Variants in POC1B observed in about 807,000 individuals in gnomAD.
The protein encoded by POC1B is POC1 centriolar protein homolog B.
Under a neutral mutation model 60.6 loss-of-function variants are expected in POC1B, and 44 were observed. That is an observed-to-expected ratio of 0.73 (90% confidence interval 0.57 to 0.93). POC1B has a LOEUF of 0.93. Among genes scored for constraint, POC1B ranks in the 40% least tolerant of loss-of-function variants. The probability of loss-of-function intolerance (pLI) is 0.00; values close to 1 mark genes in which losing one functional copy is unlikely to be tolerated. For missense variants in POC1B, 555 were observed against 572.3 expected, an observed-to-expected ratio of 0.97 and a Z score of 0.31; for synonymous variants, 180 against 198.9, an observed-to-expected ratio of 0.90 and a Z score of 0.80.
chr12:89,453,382 AG>A (rs1882132290), intron 10 of POC1B, among the ~76,000 whole-genome samples: 1 of 152,188 alleles, frequency 6.6e-6, no homozygotes, highest in Admixed American at 6.5e-5. Flanking sequence ...GGCACCAGCT[AG>A]GGAGTCCAGA....
chr12:89,444,175 T>C (rs560942385), intron 10 of POC1B, among the ~76,000 whole-genome samples: 52 of 152,158 alleles, frequency 3.4e-4, no homozygotes, highest in Non-Finnish European at 6.3e-4. Flanking sequence ...CTACCAGAGG[T>C]ACAAAAAGGA....
intron 4 of POC1B, among the ~76,000 whole-genome samples, chr12:89,473,692 G>T (rs942410456): frequency 8.4e-6 from 1 of 119,434 alleles, no homozygotes; most frequent in Non-Finnish European, 1.8e-5. Flanking sequence ...AAAAAGTCAA[G>T]AAAATAACCT....
chr12:89,500,972 G>A (rs546585688), intron 2 of POC1B: 12 of 891,936 alleles, frequency 1.3e-5, no homozygotes, highest in South Asian at 2.9e-5. Context: ...CACCTCATTC[G>A]TGTCCTCCCG....
intron 10 of POC1B, among the ~76,000 whole-genome samples, chr12:89,455,655 C>A (rs1479881469): frequency 1.3e-5 from 2 of 152,124 alleles, no homozygotes; most frequent in Non-Finnish European, 2.9e-5. Context: ...AGACTGTAGA[C>A]CCTTGGATTT....
At chr12:89,510,780 T>C (rs1469711854) in intron 2 of POC1B, among the ~76,000 whole-genome samples, 3 of 140,574 alleles carry the variant, frequency 2.1e-5, no homozygotes, top group Non-Finnish European at 3.2e-5. Context: ...TTTTTTGATA[T>C]GGAGTCTCAT....
At chr12:89,517,151 T>G (rs1300353814) in intron 2 of POC1B, among the ~76,000 whole-genome samples, 1 of 152,232 alleles carries the variant, frequency 6.6e-6, no homozygotes, top group African/African-American at 2.4e-5. Flanking sequence ...CTACCCATTC[T>G]GGCATTCTTA....
chr12:89,409,188 T>G, the POC1B span, among the ~76,000 whole-genome samples: 1 of 152,344 alleles, frequency 6.6e-6, no homozygotes, highest in South Asian at 2.1e-4. Flanking sequence ...AGTCATGAAG[T>G]CTTTGCCCAT....
downstream of POC1B, among the ~76,000 whole-genome samples, chr12:89,415,463 G>A (rs1353118233): frequency 1.3e-5 from 2 of 152,108 alleles, no homozygotes; most frequent in Non-Finnish European, 2.9e-5. Flanking sequence ...CCAACATGGT[G>A]AAACCCCGTC....
intron 10 of POC1B, among the ~76,000 whole-genome samples, chr12:89,440,080 T>A (rs926098562): frequency 6.6e-6 from 1 of 152,202 alleles, no homozygotes; most frequent in Non-Finnish European, 1.5e-5. Flanking sequence ...CTACCTAGTG[T>A]CCGACACGTT....
chr12:89,469,727 G>A (rs1351288650), intron 7 of POC1B, among the ~76,000 whole-genome samples: 1 of 152,062 alleles, frequency 6.6e-6, no homozygotes, highest in Non-Finnish European at 1.5e-5. Flanking sequence ...AGGATCTGAA[G>A]TATGGAATCT....
intron 2 of POC1B, among the ~76,000 whole-genome samples, chr12:89,507,289 A>C (rs899403074): frequency 2.7e-5 from 4 of 150,722 alleles, no homozygotes; most frequent in African/African-American, 4.9e-5. Context: ...AAAAAAAAAA[A>C]AAACTATGAA....
chr12:89,490,176 C>T (rs1428897197), intron 4 of POC1B, among the ~76,000 whole-genome samples: 1 of 152,126 alleles, frequency 6.6e-6, no homozygotes, highest in Non-Finnish European at 1.5e-5. Flanking sequence ...CCAAACATAC[C>T]AGCTACTTAA....
chr12:89,524,183 C>G, intron 2 of POC1B: 1 of 1,613,980 alleles, frequency 6.2e-7, no homozygotes, highest in Non-Finnish European at 8.5e-7. Flanking sequence ...GACTTACACT[C>G]ATACATTCTT....
rs117165654 is a variant in POC1B at position 89,502,082 on chromosome 12, G to A, written c.101-4740C>T. The stretch of plus-strand genomic sequence containing the variant: ...GTTCCCCTAAAGCCTCAGACCAGTG[G>A]ATATACATGTAATACACCAACAGAG... On this transcript the variant is annotated intron_variant, in intron 2 of 11. Transcript: ENST00000313546. 2.8e-3 allele frequency: 3,030 copies of A among 1,069,692 alleles called. 6 individuals are homozygous for A. The highest frequency in any genetic ancestry group is 3.8e-3 in the Non-Finnish European group (2,623 of 683,718). The allele number at this position is 1,069,692 out of a possible 1,614,324, so 66.3% of individuals were successfully genotyped here.
the POC1B span, among the ~76,000 whole-genome samples, chr12:89,404,201 C>G: frequency 1.6e-4 from 24 of 151,830 alleles, no homozygotes; most frequent in African/African-American, 5.8e-4. Flanking sequence ...GCAGCTGTTT[C>G]CTACAGAGGC....
rs1288047013 is a variant in POC1B, at chr12:89,492,203, A to G, written c.273-88T>C. ...CAATACAGACTTTGAAACATATAAA[A>G]TAGTTTAAATAAAATGGTTTAACTC... is the stretch of plus-strand genomic sequence containing the variant. On this transcript the variant is annotated intron_variant, in intron 3 of 11. Coordinates refer to ENST00000313546, the MANE Select transcript of POC1B (RefSeq NM_172240.3). 6 of 1,073,180 alleles carry G rather than the reference A, an allele frequency of 5.6e-6. No homozygotes were observed. The East Asian group carries it at 1.1e-4, about 20-fold the overall frequency. The allele number at this position is 1,073,180 out of a possible 1,614,324, so 66.5% of individuals were successfully genotyped here.
At chr12:89,497,106 C>T (rs900991424) in intron 3 of POC1B, 65 bp downstream of exon 3, 17 of 1,518,028 alleles carry the variant, frequency 1.1e-5, no homozygotes, top group African/African-American at 9.7e-5. Flanking sequence ...GAGCAGCAGC[C>T]AGGGTCAGCT....
chr12:89,494,064 G>A (rs893751161), intron 3 of POC1B, among the ~76,000 whole-genome samples: 2 of 151,884 alleles, frequency 1.3e-5, no homozygotes, highest in African/African-American at 2.4e-5. Flanking sequence ...TTTTTGAGAC[G>A]TGTTATCTTT....
Position 89,500,780 on chromosome 12 carries a change from T to A in POC1B, c.101-3438A>T, listed in dbSNP as rs1869524472. ...TAGAAATAGATAATAAAGTATCAGA[T>A]AAAGAGGATAAAACATCAGAAGGAC... On this transcript the variant is annotated intron_variant, in intron 2 of 11. Transcript: ENST00000313546. 6 of 1,019,414 alleles carry A rather than the reference T, an allele frequency of 5.9e-6. No homozygotes were observed. The Admixed American group carries it at 8.8e-5, about 15-fold the overall frequency. The allele number at this position is 1,019,414 out of a possible 1,614,324, so 63.1% of individuals were successfully genotyped here. A position where few individuals can be genotyped will look rare whatever the true frequency, so the allele number is the denominator to read the frequency against.
Sources: allele counts gnomAD v4.1 joint callset (sites outside exome capture counted in the v4.1 genomes callset), GRCh38; gene constraint gnomAD v4.1.1; transcripts MANE v1.5; gene names NCBI Gene and HGNC (gene_info 2026-07-23, HGNC 2026-07-21).